Variants in AKT3 observed in about 807,000 individuals in gnomAD.
The protein encoded by AKT3 is RAC-gamma serine/threonine-protein kinase.
A neutral mutation model predicts 65.3 loss-of-function variants in AKT3; 15 were observed. The ratio of observed to expected loss-of-function variants is 0.23; its 90% CI spans 0.15 to 0.35. AKT3 has a LOEUF of 0.35. Among genes scored for constraint, AKT3 ranks in the 10% least tolerant of loss-of-function variants. The pLI, the probability that AKT3 is intolerant of heterozygous loss-of-function variation, is 1.00. For missense variants in AKT3, 243 were observed against 576.5 expected, an observed-to-expected ratio of 0.42 and a Z score of 5.92; for synonymous variants, 206 against 183.8, an observed-to-expected ratio of 1.12 and a Z score of -0.98.
intron 8 of AKT3, 104 bp from the exon 9 acceptor site, chr1:243,573,152 TAGTGTACTCTC>T: frequency 7.4e-7 from 1 of 1,354,104 alleles, no homozygotes; most frequent in Non-Finnish European, 1.0e-6. Context: ...TGATGATAGA[TAGTGTACTCTC>T]AGTGGACACT....
At chr1:243,607,130 G>A (rs1276943497) in intron 8 of AKT3, among the ~76,000 whole-genome samples, 1 of 152,250 alleles carries the variant, frequency 6.6e-6, no homozygotes, top group Non-Finnish European at 1.5e-5. Context: ...AGGGAAATGT[G>A]GTGTTGTAGC....
At chr1:243,675,201 A>G (rs1328096257) in intron 3 of AKT3, among the ~76,000 whole-genome samples, 2 of 152,168 alleles carry the variant, frequency 1.3e-5, no homozygotes, top group Non-Finnish European at 2.9e-5. Context: ...ATGCAGATTC[A>G]AAGTCACTTT....
downstream of AKT3, among the ~76,000 whole-genome samples, chr1:243,495,724 G>A (rs985123724): frequency 7.2e-5 from 11 of 152,172 alleles, no homozygotes; most frequent in South Asian, 2.1e-4. Context: ...CGAAGGCCGC[G>A]TTTCCCCGAC....
chr1:243,676,449 C>T (rs1393691977), intron 3 of AKT3, among the ~76,000 whole-genome samples: 3 of 152,178 alleles, frequency 2.0e-5, no homozygotes, highest in Non-Finnish European at 4.4e-5. Flanking sequence ...AGCTCTGCAT[C>T]GACTGACACC....
At chr1:243,614,663 T>TA (rs1279007963) in intron 7 of AKT3, among the ~76,000 whole-genome samples, 1 of 152,160 alleles carries the variant, frequency 6.6e-6, no homozygotes, top group Non-Finnish European at 1.5e-5. Context: ...ATATATTCGA[T>TA]AAACATTTCT....
At position 243,502,271 on chromosome 1, in the gene AKT3, G is replaced by A. The variant is rs1274674017; in HGVS notation, c.*2978C>T. ...GTTAGTAAGGAAGGCCCTTACTTTT[G>A]TACTCTAGGAGAAGCAAGTGGCCCC... On this transcript the variant is annotated 3_prime_UTR_variant, in exon 14 of 14. Coordinates refer to ENST00000673466, the MANE Select transcript of AKT3 (RefSeq NM_005465.7). 1.7e-5 allele frequency: 4 copies of A among 232,812 alleles called. No homozygotes were observed. The South Asian group carries it at 7.2e-4, about 42-fold the overall frequency. The allele number at this position is 232,812 out of a possible 1,614,324, so 14.4% of individuals were successfully genotyped here.
chr1:243,614,949 A>T, intron 7 of AKT3, 147 bp downstream of exon 7: 1 of 628,472 alleles, frequency 1.6e-6, no homozygotes, highest in East Asian at 2.8e-5. Context: ...ATACATTCTA[A>T]TAAGTTATAA....
intron 2 of AKT3, among the ~76,000 whole-genome samples, chr1:243,702,681 T>G (rs191145565): frequency 5.3e-5 from 8 of 152,292 alleles, no homozygotes; most frequent in Admixed American, 2.0e-4. Flanking sequence ...AACGATGAAT[T>G]TTTTAAGTCT....
intron 6 of AKT3, among the ~76,000 whole-genome samples, chr1:243,633,419 A>G (rs747503391): frequency 1.3e-5 from 2 of 152,162 alleles, no homozygotes; most frequent in Non-Finnish European, 2.9e-5. Flanking sequence ...ATGATTAAAG[A>G]GACTCATACA....
At chr1:243,695,489 C>A in intron 3 of AKT3, 102 bp downstream of exon 3, 4 of 1,127,108 alleles carry the variant, frequency 3.5e-6, no homozygotes, top group South Asian at 3.8e-5. Flanking sequence ...AAATATAAAC[C>A]CAAACTTTTT....
At chr1:243,731,004 G>A (rs552378827) in intron 2 of AKT3, among the ~76,000 whole-genome samples, 1 of 152,282 alleles carries the variant, frequency 6.6e-6, no homozygotes, top group Non-Finnish European at 1.5e-5. Context: ...GATCCGGGTT[G>A]GGCGAACTGA....
intron 12 of AKT3, among the ~76,000 whole-genome samples, chr1:243,515,588 A>G (rs1670299531): frequency 6.6e-6 from 1 of 152,220 alleles, no homozygotes; most frequent in Non-Finnish European, 1.5e-5. Flanking sequence ...AACAGACCAC[A>G]CTGGTAGTGA....
intron 2 of AKT3, among the ~76,000 whole-genome samples, chr1:243,716,800 C>G (rs564542466): frequency 6.6e-6 from 1 of 152,266 alleles, no homozygotes; most frequent in African/African-American, 2.4e-5. Flanking sequence ...AATATTTACC[C>G]CTGATACTTG....
intron 2 of AKT3, among the ~76,000 whole-genome samples, chr1:243,790,969 C>A (rs536026263): frequency 1.3e-5 from 2 of 152,030 alleles, no homozygotes; most frequent in African/African-American, 4.8e-5. Context: ...TCACCATAAC[C>A]GGTATAATAA....
At chr1:243,691,136 G>C (rs1036501950) in intron 3 of AKT3, among the ~76,000 whole-genome samples, 21 of 152,134 alleles carry the variant, frequency 1.4e-4, no homozygotes, top group Admixed American at 1.2e-3. Flanking sequence ...TCTTAGAAAA[G>C]TATCCAGGCA....
chr1:243,789,549 T>C (rs1387016466), intron 2 of AKT3, among the ~76,000 whole-genome samples: 3 of 152,248 alleles, frequency 2.0e-5, no homozygotes, highest in South Asian at 2.1e-4. Flanking sequence ...CTTTGAAGTC[T>C]TGAATCCCTC....
intron 1 of AKT3, 44 bp downstream of exon 1, chr1:243,849,996 G>A: frequency 3.1e-6 from 3 of 982,506 alleles, no homozygotes; most frequent in South Asian, 4.6e-5. Context: ...AGGGAGTGGA[G>A]GCCAGGCGGG....
intron 2 of AKT3, among the ~76,000 whole-genome samples, chr1:243,819,962 AG>A (rs112258345): frequency 0.22 from 33,285 of 152,044 alleles, 3,916 homozygotes; most frequent in East Asian, 0.32. Flanking sequence ...TCTGTCACCC[AG>A]GCTGGAGTGC....
chr1:243,619,337 C>A (rs1023821083), intron 6 of AKT3, among the ~76,000 whole-genome samples: 1 of 152,104 alleles, frequency 6.6e-6, no homozygotes, highest in Non-Finnish European at 1.5e-5. Context: ...TCACCTCCAA[C>A]CTTTAACTTT....
Sources: allele counts gnomAD v4.1 joint callset (sites outside exome capture counted in the v4.1 genomes callset), GRCh38; gene constraint gnomAD v4.1.1; transcripts MANE v1.5; gene names NCBI Gene and HGNC (gene_info 2026-07-23, HGNC 2026-07-21).